COL8A1: variants seen among roughly 807,000 people sequenced by gnomAD.
The protein encoded by COL8A1 is collagen type VIII alpha 1 chain.
COL8A1 carries 21 observed loss-of-function variants against 42.7 expected under a neutral mutation model. The observed-to-expected ratio is 0.49, with a 90% CI of 0.35 to 0.71. The LOEUF (loss-of-function observed/expected upper bound fraction) is 0.71, where lower values mean the gene tolerates loss of function less well. Ranked by LOEUF, COL8A1 falls within the 30% of genes least tolerant of loss-of-function variation. The pLI, the probability that COL8A1 is intolerant of heterozygous loss-of-function variation, is 0.01. For missense variants in COL8A1, 788 were observed against 962.4 expected (o/e 0.82, Z 2.40); for synonymous variants, 367 against 369.1 (o/e 0.99, Z 0.06).
intron 1 of COL8A1, among the ~76,000 whole-genome samples, chr3:99,681,033 AC>A (rs1372668957): frequency 2.0e-5 from 3 of 152,176 alleles, no homozygotes; most frequent in African/African-American, 7.2e-5. Context: ...AACCCTAAAA[AC>A]CCTAGAAGAA....
At chr3:99,770,868 A>T (rs747569627) in intron 2 of COL8A1, among the ~76,000 whole-genome samples, 1 of 152,248 alleles carries the variant, frequency 6.6e-6, no homozygotes, top group African/African-American at 2.4e-5. Context: ...GGATAATTTC[A>T]GCTATTGAGA....
At chr3:99,670,565 T>C (rs1938512941) in intron 1 of COL8A1, among the ~76,000 whole-genome samples, 1 of 152,120 alleles carries the variant, frequency 6.6e-6, no homozygotes, top group South Asian at 2.1e-4. Flanking sequence ...TGTGGAATGA[T>C]TAAACCAAAA....
In COL8A1 at chr3:99,794,350, G is replaced by A; in HGVS notation, c.449G>A (p.Gly150Glu). 1 of 1,613,946 alleles carries A rather than the reference G, an allele frequency of 6.2e-7. No individual in the cohort carries two copies. Among genetic ancestry groups the A allele is most frequent in the Non-Finnish European group, 8.5e-7 (1 of 1,179,924 alleles). ...HGIPGIKGKP[G>E]PQGYPGVGKP... ...ATACCTGGAATTAAAGGAAAACCAG[G>A]GCCACAGGGATATCCAGGAGTTGGA... The change falls in exon 4 of 4, where the codon GGG becomes GAG. Residue 150 changes from glycine (G) to glutamate (E), a missense_variant. By Grantham distance (98) the Gly-to-Glu change is moderately conservative. This residue lies in a region of COL8A1 where 421 missense variants were observed against 553.1 expected (regional missense o/e 0.76). Coordinates refer to ENST00000652472, the MANE Select transcript of COL8A1 (RefSeq NM_020351.4). The surrounding 1 kb of genome is among the most constrained non-coding windows in gnomAD (Gnocchi z 4.3).
At chr3:99,793,912 C>T (rs535061161) in intron 3 of COL8A1, among the ~76,000 whole-genome samples, 6 of 152,168 alleles carry the variant, frequency 3.9e-5, no homozygotes, top group African/African-American at 7.2e-5. Flanking sequence ...CCACCACACC[C>T]GGCTAATTTT....
intron 1 of COL8A1, among the ~76,000 whole-genome samples, chr3:99,642,594 C>G (rs367889227): frequency 6.6e-6 from 1 of 152,338 alleles, no homozygotes; most frequent in East Asian, 1.9e-4. Context: ...TCACTTCCAT[C>G]GTCCCTCCTG....
intron 1 of COL8A1, among the ~76,000 whole-genome samples, chr3:99,707,753 T>C (rs562627401): frequency 4.1e-4 from 62 of 152,258 alleles, no homozygotes; most frequent in African/African-American, 1.4e-3. Flanking sequence ...AGTAATAAGA[T>C]TAAAAACCTG....
intron 1 of COL8A1, among the ~76,000 whole-genome samples, chr3:99,711,541 G>C (rs1268819007): frequency 1.3e-5 from 2 of 152,098 alleles, no homozygotes; most frequent in Non-Finnish European, 1.5e-5. Context: ...CTGGCCTCCA[G>C]CCTTGGAAAA....
At chr3:99,702,857 T>C (rs981055655) in intron 1 of COL8A1, among the ~76,000 whole-genome samples, 14 of 151,988 alleles carry the variant, frequency 9.2e-5, no homozygotes, top group African/African-American at 3.4e-4. Context: ...TGTTGTTAGG[T>C]GGAGTTGCTT....
chr3:99,645,108 G>T (rs113965771), intron 1 of COL8A1, among the ~76,000 whole-genome samples: 53 of 152,268 alleles, frequency 3.5e-4, no homozygotes, highest in African/African-American at 1.2e-3. Flanking sequence ...TCCCATTTAG[G>T]ATCTTCTTCC....
chr3:99,702,703 G>C (rs1050383134), intron 1 of COL8A1, among the ~76,000 whole-genome samples: 1 of 151,996 alleles, frequency 6.6e-6, no homozygotes, highest in African/African-American at 2.4e-5. Context: ...ACCTGCTATG[G>C]GTGAGGCATT....
intron 1 of COL8A1, among the ~76,000 whole-genome samples, chr3:99,727,778 A>C (rs929872154): frequency 3.9e-5 from 6 of 152,046 alleles, no homozygotes; most frequent in Non-Finnish European, 5.9e-5. Context: ...CAGCACATCC[A>C]AAAGCTTATC....
intron 1 of COL8A1, among the ~76,000 whole-genome samples, chr3:99,685,181 A>G (rs6797919): frequency 0.13 from 19,992 of 152,174 alleles, 1,429 homozygotes; most frequent in Middle Eastern, 0.17. Flanking sequence ...GATGCAAAAT[A>G]CAGCATTGGA....
chr3:99,666,371 C>T (rs762005309), intron 1 of COL8A1, among the ~76,000 whole-genome samples: 4 of 152,214 alleles, frequency 2.6e-5, no homozygotes, highest in Admixed American at 6.5e-5. Context: ...CTCCTGGCAT[C>T]GAATGCCATC....
At chr3:99,747,647 G>C (rs1941056032) in intron 2 of COL8A1, among the ~76,000 whole-genome samples, 1 of 152,066 alleles carries the variant, frequency 6.6e-6, no homozygotes, top group Non-Finnish European at 1.5e-5. Context: ...TTATACGACA[G>C]CAATAAACTC....
At chr3:99,771,075 C>A (rs548196498) in intron 2 of COL8A1, among the ~76,000 whole-genome samples, 2 of 152,264 alleles carry the variant, frequency 1.3e-5, no homozygotes, top group East Asian at 3.9e-4. Context: ...CTGGCAGAAC[C>A]AACTTGGTGA....
intron 1 of COL8A1, among the ~76,000 whole-genome samples, chr3:99,661,172 T>C (rs373288540): frequency 1.8e-4 from 27 of 152,310 alleles, no homozygotes; most frequent in Middle Eastern, 6.8e-3. Context: ...AGACAGATGA[T>C]AGAATTGGAG....
intron 1 of COL8A1, among the ~76,000 whole-genome samples, chr3:99,732,896 A>T (rs955834607): frequency 5.3e-5 from 8 of 152,170 alleles, no homozygotes; most frequent in African/African-American, 1.9e-4. Context: ...TTGGGAAAAT[A>T]CACCCTTTCC....
At chr3:99,693,709 C>T (rs892275070) in intron 1 of COL8A1, among the ~76,000 whole-genome samples, 6 of 152,048 alleles carry the variant, frequency 3.9e-5, no homozygotes, top group Non-Finnish European at 8.8e-5. Flanking sequence ...TTACAATAAG[C>T]TAAGGTTAAT....
At chr3:99,695,928 G>A (rs1025113011) in intron 1 of COL8A1, among the ~76,000 whole-genome samples, 3 of 152,216 alleles carry the variant, frequency 2.0e-5, no homozygotes, top group Non-Finnish European at 4.4e-5. Context: ...GAGGTCAGGA[G>A]TTTGAGACCA....
Sources: allele counts gnomAD v4.1 joint callset (sites outside exome capture counted in the v4.1 genomes callset), GRCh38; gene constraint gnomAD v4.1.1; regional missense constraint gnomAD v4.1.1; non-coding constraint Gnocchi (gnomAD v3.1); transcripts MANE v1.5; gene names NCBI Gene and HGNC (gene_info 2026-07-23, HGNC 2026-07-21).